TMEM192: variants seen among roughly 807,000 people sequenced by gnomAD.
TMEM192 encodes transmembrane protein 192.
Under a neutral mutation model 26.7 loss-of-function variants are expected in TMEM192, and 20 were observed. That is an observed-to-expected ratio of 0.75 (90% CI 0.53 to 1.09). TMEM192 has a LOEUF of 1.09. Among genes scored for constraint, TMEM192 ranks in the 50% least tolerant of loss-of-function variants. TMEM192 has a pLI of 0.00. For synonymous variants in TMEM192, 124 were observed against 121.0 expected (o/e 1.02, Z -0.16); for missense variants, 304 against 322.6 (o/e 0.94, Z 0.44).
chr4:165,086,623 C>A (rs982984321), intron 4 of TMEM192, among the ~76,000 whole-genome samples: 1 of 151,962 alleles, frequency 6.6e-6, no homozygotes, highest in Non-Finnish European at 1.5e-5. Context: ...CGGTGTTTCA[C>A]CATGTTGGCC....
At chr4:165,105,919 T>C (rs1048476282) in intron 1 of TMEM192, among the ~76,000 whole-genome samples, 7 of 152,168 alleles carry the variant, frequency 4.6e-5, no homozygotes, top group African/African-American at 1.7e-4. Flanking sequence ...ATAAATGAGA[T>C]CAGTGCCCTT....
Position 165,101,017 on chromosome 4 carries a change from C to T in TMEM192, c.175-125G>A, listed in dbSNP as rs1293534554. 4.5e-5 allele frequency: 49 copies of T among 1,095,286 alleles called. No homozygotes were observed. In the East Asian group the frequency reaches 9.6e-4, roughly 21 times the overall value. 67.8% of individuals were successfully genotyped at this position (1,095,286 alleles called of 1,614,324 possible). A position where few individuals can be genotyped will look rare whatever the true frequency, so the allele number is the denominator to read the frequency against. On this transcript the variant is annotated intron_variant, in intron 2 of 5. Transcript: ENST00000306480. ...TCTGAGACAGAGTCTCACTCTGTCG[C>T]CCAGGCTGGAGTGCAGTGGCGCAAT...
In TMEM192 at chr4:165,078,189, CTATA is replaced by C. The variant is rs995556019; in HGVS notation, c.*1465_*1468del. ...GTGGCCAAATCAATATATCCCTTGC[CTATA>C]TAGTTATATCGAACACATCCCTATA... On this transcript the variant is annotated 3_prime_UTR_variant, in exon 6 of 6. Transcript: ENST00000306480. 3 of 152,196 alleles carry C rather than the reference CTATA, an allele frequency of 2.0e-5. No individual in the cohort carries two copies. The highest frequency in any genetic ancestry group is 2.9e-5 in the Non-Finnish European group (2 of 68,040). 9.4% of individuals were successfully genotyped at this position (152,196 alleles called of 1,614,324 possible).
intron 2 of TMEM192, among the ~76,000 whole-genome samples, chr4:165,102,527 A>AT (rs1227807715): frequency 6.6e-6 from 1 of 151,826 alleles, no homozygotes; most frequent in Non-Finnish European, 1.5e-5. Flanking sequence ...TGAAAACTTG[A>AT]TTTTTTTTCA....
At chr4:165,100,521 C>T in intron 3 of TMEM192, 107 bp downstream of exon 3, 2 of 1,336,458 alleles carry the variant, frequency 1.5e-6, no homozygotes, top group East Asian at 2.4e-5. Context: ...ATCAACCTTA[C>T]AAAAATGAGA....
chr4:165,079,821 G>A (rs770309404), intron 5 of TMEM192, 25 bp from the exon 6 acceptor site: 1 of 1,607,982 alleles, frequency 6.2e-7, no homozygotes, highest in South Asian at 1.1e-5. Context: ...GATATAAATG[G>A]GTTACACATA....
At chr4:165,107,193 T>A (rs1445840573) in intron 1 of TMEM192, among the ~76,000 whole-genome samples, 1 of 151,884 alleles carries the variant, frequency 6.6e-6, no homozygotes, top group African/African-American at 2.4e-5. Flanking sequence ...TCCAGCTAGT[T>A]TTTGTATTTT....
chr4:165,103,282 T>C lies in TMEM192; in HGVS notation c.28-186A>G, dbSNP rs564421016. On this transcript the variant is annotated intron_variant, in intron 1 of 5. Coordinates refer to ENST00000306480, the MANE Select transcript of TMEM192 (RefSeq NM_001100389.2). Reference sequence around the variant, plus strand: ...TAATTTAATTAATTAAAAAATTAATTAATTTTTTAAAAACTGTAGCAACAC... The same window carrying C: ...TAATTTAATTAATTAAAAAATTAATCAATTTTTTAAAAACTGTAGCAACAC... 3.7e-3 allele frequency among the ~76,000 whole-genome samples: 570 copies of C among 152,054 alleles called. 6 individuals are homozygous for C. Among genetic ancestry groups the C allele is most frequent in the African/African-American group, 0.013 (548 of 41,518 alleles).
Position 165,079,554 on chromosome 4 carries a change from G to T in TMEM192, c.*104C>A. 1 of 1,327,358 alleles carries T rather than the reference G, an allele frequency of 7.5e-7. No homozygotes were observed. Among genetic ancestry groups the T allele is most frequent in the Non-Finnish European group, 1.0e-6 (1 of 985,314 alleles). 82.2% of individuals were successfully genotyped at this position (1,327,358 alleles called of 1,614,324 possible). Reference sequence around the variant, plus strand: ...AGGTTTCCAACAAACACTGTAAAATGCTATTCAGCAAAAGCTGCAGTTCCC... The same window carrying T: ...AGGTTTCCAACAAACACTGTAAAATTCTATTCAGCAAAAGCTGCAGTTCCC... On this transcript the variant is annotated 3_prime_UTR_variant, in exon 6 of 6. Coordinates refer to ENST00000306480, the MANE Select transcript of TMEM192 (RefSeq NM_001100389.2).
chr4:165,097,430 C>T (rs1401257198), intron 3 of TMEM192, among the ~76,000 whole-genome samples: 1 of 143,762 alleles, frequency 7.0e-6, no homozygotes, highest in African/African-American at 2.7e-5. Flanking sequence ...GGAGGCGGAG[C>T]TTGCAGTGAG....
At chr4:165,112,349 G>C (rs777203981) in intron 1 of TMEM192, among the ~76,000 whole-genome samples, 30 of 152,202 alleles carry the variant, frequency 2.0e-4, no homozygotes, top group Non-Finnish European at 3.5e-4. Flanking sequence ...CGTCCGAGCG[G>C]AACCCATCGG....
Position 165,103,307 on chromosome 4 carries a change from C to T in TMEM192, c.28-211G>A, listed in dbSNP as rs376612596. Reference sequence around the variant, plus strand: ...TAATTTTTTAAAAACTGTAGCAACACGGTCTCACTATGTTGCCCAGGCTGG... The same window carrying T: ...TAATTTTTTAAAAACTGTAGCAACATGGTCTCACTATGTTGCCCAGGCTGG... On this transcript the variant is annotated intron_variant, in intron 1 of 5. Transcript: ENST00000306480. Among the ~76,000 whole-genome samples the T allele has an allele frequency of 3.0e-4, 45 of 151,928 alleles. No homozygotes were observed. The East Asian group carries it at 5.2e-3, about 18-fold the overall frequency.
intron 4 of TMEM192, among the ~76,000 whole-genome samples, chr4:165,088,045 GACC>G (rs1734665903): frequency 6.6e-6 from 1 of 152,074 alleles, no homozygotes; most frequent in Non-Finnish European, 1.5e-5. Flanking sequence ...GAGGGGCTGG[GACC>G]ACATTTGTGC....
At chr4:165,105,990 G>T (rs1221252943) in intron 1 of TMEM192, among the ~76,000 whole-genome samples, 1 of 152,134 alleles carries the variant, frequency 6.6e-6, no homozygotes, top group Non-Finnish European at 1.5e-5. Context: ...CAGCAAGAAG[G>T]CGCCATCTTT....
At chr4:165,096,414 T>C (rs967695570) in intron 3 of TMEM192, among the ~76,000 whole-genome samples, 2 of 150,572 alleles carry the variant, frequency 1.3e-5, no homozygotes, top group South Asian at 2.1e-4. Flanking sequence ...AAAAAAATTA[T>C]ATATATATAT....
intron 1 of TMEM192, 112 bp from the exon 2 acceptor site, chr4:165,103,208 G>GAACA (rs1435648233): frequency 9.0e-6 from 8 of 887,174 alleles, no homozygotes; most frequent in Non-Finnish European, 9.3e-6. Flanking sequence ...AAAGGCAAGA[G>GAACA]AACACATTGC....
intron 1 of TMEM192, among the ~76,000 whole-genome samples, chr4:165,104,134 T>C (rs886626990): frequency 1.5e-4 from 23 of 152,306 alleles, no homozygotes; most frequent in Non-Finnish European, 1.6e-4. Flanking sequence ...AATATGGATA[T>C]ATACTGCATT....
chr4:165,075,651 C>T lies in TMEM192; in HGVS notation c.*4007G>A, dbSNP rs1312563838. On this transcript the variant is annotated 3_prime_UTR_variant, in exon 6 of 6. Transcript: ENST00000306480. ...GTGGCGTGATCTTGCCTCACTGCAA[C>T]CTCCACCTGCTGGGTTCAAGCAATT... 3.4e-5 allele frequency: 5 copies of T among 146,384 alleles called. No homozygotes were observed. In the East Asian group the frequency reaches 1.1e-3, roughly 31 times the overall value. 9.1% of individuals were successfully genotyped at this position (146,384 alleles called of 1,614,324 possible).
chr4:165,076,591 G>A lies in TMEM192; in HGVS notation c.*3067C>T, dbSNP rs1209668705. Reference sequence around the variant, plus strand: ...AAAACCCTCTACCCTCCTGCCCCCAGGGTACCCCCTGACGTGGAGCTCCTA... The same window carrying A: ...AAAACCCTCTACCCTCCTGCCCCCAAGGTACCCCCTGACGTGGAGCTCCTA... On this transcript the variant is annotated 3_prime_UTR_variant, in exon 6 of 6. Coordinates refer to ENST00000306480, the MANE Select transcript of TMEM192 (RefSeq NM_001100389.2). 6.6e-6 allele frequency: 1 copy of A among 152,198 alleles called. No homozygotes were observed. The highest frequency in any genetic ancestry group is 2.4e-5 in the African/African-American group (1 of 41,440). The allele number at this position is 152,198 out of a possible 1,614,324, so 9.4% of individuals were successfully genotyped here.
Sources: allele counts gnomAD v4.1 joint callset (sites outside exome capture counted in the v4.1 genomes callset), GRCh38; gene constraint gnomAD v4.1.1; transcripts MANE v1.5; gene names NCBI Gene and HGNC (gene_info 2026-07-23, HGNC 2026-07-21).